KAZN: variants seen among roughly 807,000 people sequenced by gnomAD.
The protein encoded by KAZN is kazrin.
KAZN carries 40 observed loss-of-function variants against 87.4 expected under a neutral mutation model. The ratio of observed to expected loss-of-function variants is 0.46; its 90% CI spans 0.36 to 0.60. The LOEUF is 0.60. Ranked by LOEUF, KAZN falls within the 20% of genes least tolerant of loss-of-function variation. The probability of loss-of-function intolerance (pLI) is 0.00; values close to 1 mark genes in which losing one functional copy is unlikely to be tolerated. For missense variants in KAZN, 898 were observed against 1,073.9 expected, an observed-to-expected ratio of 0.84 and a Z score of 2.29; for synonymous variants, 466 against 458.3, an observed-to-expected ratio of 1.02 and a Z score of -0.22.
intron 1 of KAZN, among the ~76,000 whole-genome samples, chr1:14,168,042 T>C (rs1321702507): frequency 1.3e-5 from 2 of 152,208 alleles, no homozygotes; most frequent in Admixed American, 6.5e-5. Flanking sequence ...CACAATCTTC[T>C]GTCACTGTAA....
intron 2 of KAZN, among the ~76,000 whole-genome samples, chr1:14,449,622 A>G (rs1667159780): frequency 6.6e-6 from 1 of 152,216 alleles, no homozygotes; most frequent in Non-Finnish European, 1.5e-5. Context: ...CTTGGAACAC[A>G]TGTTCCCCAA....
chr1:13,946,312 G>A (rs929785652), intron 1 of KAZN, among the ~76,000 whole-genome samples: 10 of 152,086 alleles, frequency 6.6e-5, no homozygotes, highest in African/African-American at 2.4e-4. Context: ...GCATAGAGGC[G>A]AAGAGTTGCG....
chr1:14,901,934 T>C (rs945938387), intron 1 of KAZN, among the ~76,000 whole-genome samples: 5 of 152,188 alleles, frequency 3.3e-5, no homozygotes, highest in Non-Finnish European at 5.9e-5. Context: ...GCCACCTCTC[T>C]TGAGTGCTGC....
intron 11 of KAZN, among the ~76,000 whole-genome samples, chr1:15,102,486 G>A (rs985168228): frequency 2.0e-5 from 3 of 152,158 alleles, no homozygotes; most frequent in East Asian, 1.9e-4. Flanking sequence ...GGGAGGTGGT[G>A]GGGGGTTGCT....
chr1:14,046,790 G>C (rs568370558), intron 1 of KAZN, among the ~76,000 whole-genome samples: 7 of 152,340 alleles, frequency 4.6e-5, no homozygotes, highest in Admixed American at 4.6e-4. Flanking sequence ...CTTCTCTCAA[G>C]GTCATCTGGC....
chr1:14,437,994 C>T (rs1305084543), intron 2 of KAZN, among the ~76,000 whole-genome samples: 1 of 151,844 alleles, frequency 6.6e-6, no homozygotes, highest in African/African-American at 2.4e-5. Context: ...AGCAACAAGC[C>T]AGCTCTCATC....
chr1:14,204,689 CT>C (rs1646703533), intron 2 of KAZN, among the ~76,000 whole-genome samples: 1 of 152,066 alleles, frequency 6.6e-6, no homozygotes, highest in South Asian at 2.1e-4. Context: ...TTAAAAAAAC[CT>C]TTTATTTATA....
chr1:15,019,756 G>T lies in KAZN; in HGVS notation c.419-14993G>T, dbSNP rs1243301907. Among the ~76,000 whole-genome samples the T allele has an allele frequency of 2.0e-5, 3 of 152,286 alleles. No individual in the cohort carries two copies. In the East Asian group the frequency reaches 5.8e-4, roughly 29 times the overall value. The stretch of plus-strand genomic sequence containing the variant: ...CTCAGGATTGCTTTGAGGAAAATTT[G>T]AGTGAAAACATGCAAGGTGTAGAAT... On this transcript the variant is annotated intron_variant, in intron 2 of 14. Coordinates refer to ENST00000376030, the MANE Select transcript of KAZN (RefSeq NM_201628.3).
At chr1:14,410,492 G>A (rs1259147828) in intron 2 of KAZN, among the ~76,000 whole-genome samples, 2 of 152,124 alleles carry the variant, frequency 1.3e-5, no homozygotes, top group Admixed American at 6.5e-5. Flanking sequence ...TTTAGATGAC[G>A]GACATGCATA....
intron 2 of KAZN, among the ~76,000 whole-genome samples, chr1:14,446,394 C>T (rs1283721318): frequency 2.0e-5 from 3 of 152,118 alleles, no homozygotes; most frequent in Admixed American, 6.5e-5. Flanking sequence ...AAGACTACAG[C>T]AGGGATCTAG....
At chr1:14,150,728 A>T (rs1003447143) in intron 1 of KAZN, among the ~76,000 whole-genome samples, 26 of 152,214 alleles carry the variant, frequency 1.7e-4, no homozygotes, top group African/African-American at 6.3e-4. Context: ...CCCAAATGCA[A>T]CAACAGGCTT....
At chr1:14,449,305 T>C (rs1046867603) in intron 2 of KAZN, among the ~76,000 whole-genome samples, 1 of 152,250 alleles carries the variant, frequency 6.6e-6, no homozygotes, top group Non-Finnish European at 1.5e-5. Context: ...CTGGCCATCC[T>C]GGATTCCTCT....
At chr1:14,763,589 G>T (rs1429564973) in intron 1 of KAZN, among the ~76,000 whole-genome samples, 2 of 152,204 alleles carry the variant, frequency 1.3e-5, no homozygotes, top group African/African-American at 2.4e-5. Context: ...AGCTCGGAAT[G>T]ATGCTTTAAT....
intron 1 of KAZN, among the ~76,000 whole-genome samples, chr1:14,855,042 A>C (rs929324140): frequency 6.6e-6 from 1 of 152,098 alleles, no homozygotes; most frequent in African/African-American, 2.4e-5. Context: ...CAGAAACACA[A>C]GCAGACCTGG....
intron 1 of KAZN, among the ~76,000 whole-genome samples, chr1:14,882,119 A>G (rs1457835425): frequency 6.6e-6 from 1 of 152,206 alleles, no homozygotes; most frequent in East Asian, 1.9e-4. Context: ...TCTGGGGATC[A>G]CACTGTGAGT....
chr1:14,537,733 A>G (rs1672584631), intron 2 of KAZN, among the ~76,000 whole-genome samples: 1 of 152,166 alleles, frequency 6.6e-6, no homozygotes, highest in Non-Finnish European at 1.5e-5. Flanking sequence ...GATCTCAGTT[A>G]TCAGTTTCCC....
chr1:14,578,724 C>A (rs1352977801), intron 2 of KAZN, among the ~76,000 whole-genome samples: 2 of 152,094 alleles, frequency 1.3e-5, no homozygotes, highest in African/African-American at 4.8e-5. Context: ...TAAATTTGGT[C>A]ACACTTAGAA....
chr1:14,348,002 C>CA (rs1374902574), intron 2 of KAZN, among the ~76,000 whole-genome samples: 1 of 150,932 alleles, frequency 6.6e-6, no homozygotes, highest in Non-Finnish European at 1.5e-5. Context: ...CCTCCCACCT[C>CA]AGCCTCCTGA....
intron 2 of KAZN, among the ~76,000 whole-genome samples, chr1:14,548,198 A>ATTT (rs1199211988): frequency 3.8e-4 from 50 of 132,940 alleles, no homozygotes; most frequent in African/African-American, 1.3e-3. Context: ...CTCTTCGTGC[A>ATTT]TTTTTTTTTT....
Sources: allele counts gnomAD v4.1 joint callset (sites outside exome capture counted in the v4.1 genomes callset), GRCh38; gene constraint gnomAD v4.1.1; transcripts MANE v1.5; gene names NCBI Gene and HGNC (gene_info 2026-07-23, HGNC 2026-07-21).